The following PDE1C variants were observed in gnomAD, a reference collection of about 807,000 sequenced individuals.
The protein encoded by PDE1C is dual specificity calcium/calmodulin-dependent 3',5'-cyclic nucleotide phosphodiesterase 1C.
A neutral mutation model predicts 93.1 loss-of-function variants in PDE1C; 62 were observed. The ratio of observed to expected loss-of-function variants is 0.67; its 90% CI spans 0.54 to 0.82. The LOEUF is 0.82. PDE1C is among the 40% of genes least tolerant of loss of function. The probability of loss-of-function intolerance (pLI) is 0.00; values close to 1 mark genes in which losing one functional copy is unlikely to be tolerated. For missense variants in PDE1C, 742 were observed against 884.6 expected (o/e 0.84, Z 2.04); for synonymous variants, 325 against 310.1 (o/e 1.05, Z -0.50).
At position 32,335,603 on chromosome 7, in the gene PDE1C, C is replaced by G. The variant is rs115797413; in HGVS notation, c.310+92219G>C. ...CCCTATATTTTTACATGATTTTCCT[C>G]TGTGTGTGTCTGTGACCTAATCTCT... is the stretch of plus-strand genomic sequence containing the variant. On this transcript the variant is annotated intron_variant, in intron 1 of 1. Coordinates refer to the PDE1C transcript ENST00000672256. Among the ~76,000 whole-genome samples, 584 of 152,312 alleles carry G rather than the reference C, an allele frequency of 3.8e-3. 7 individuals are homozygous for G. The highest frequency in any genetic ancestry group is 0.013 in the African/African-American group (555 of 41,580).
At chr7:31,678,840 C>T in the PDE1C span, among the ~76,000 whole-genome samples, 4 of 152,208 alleles carry the variant, frequency 2.6e-5, no homozygotes, top group South Asian at 8.3e-4. Flanking sequence ...GGAAATAGTT[C>T]AGGGCGTAGT....
Position 32,365,865 on chromosome 7 carries a change from C to T in PDE1C, c.310+61957G>A, listed in dbSNP as rs1784221028. ...TACACAGAGATTACACGACTGTGTC[C>T]ACCCAGAACAAAAGCCAGCACACCA... is the stretch of plus-strand genomic sequence containing the variant. On this transcript the variant is annotated intron_variant, in intron 1 of 1. Transcript: ENST00000672256. Among the ~76,000 whole-genome samples the T allele has an allele frequency of 2.0e-5, 3 of 152,040 alleles. 1 individual carries two copies. In the South Asian group the frequency reaches 6.2e-4, roughly 32 times the overall value.
At chr7:31,811,505 C>T (rs1050874170) in intron 15 of PDE1C, among the ~76,000 whole-genome samples, 1 of 152,002 alleles carries the variant, frequency 6.6e-6, no homozygotes, top group South Asian at 2.1e-4. Flanking sequence ...TTCAGAGGTC[C>T]CACAAAACAG....
chr7:31,695,371 T>C, the PDE1C span: 14 of 1,137,924 alleles, frequency 1.2e-5, no homozygotes, highest in African/African-American at 2.0e-4. Context: ...CCAAATCACC[T>C]CTGTCCTGTC....
intron 1 of PDE1C, among the ~76,000 whole-genome samples, chr7:32,286,761 A>G (rs215596): frequency 0.5 from 76,447 of 152,118 alleles, 22,160 homozygotes; most frequent in Admixed American, 0.64. Context: ...TAGAACTGCA[A>G]TAGAATAGTA....
chr7:32,292,307 C>G (rs1195557956), intron 1 of PDE1C, among the ~76,000 whole-genome samples: 1 of 152,168 alleles, frequency 6.6e-6, no homozygotes, highest in Non-Finnish European at 1.5e-5. Flanking sequence ...GATCTACCCT[C>G]TAAGCAAATT....
intron 1 of PDE1C, among the ~76,000 whole-genome samples, chr7:32,234,393 G>A (rs1040091537): frequency 8.6e-5 from 13 of 151,758 alleles, no homozygotes; most frequent in Admixed American, 6.6e-4. Context: ...AAGAAAATAT[G>A]ATAGAAAACA....
At chr7:31,908,358 C>T (rs10487738) in intron 2 of PDE1C, among the ~76,000 whole-genome samples, 481 of 152,192 alleles carry the variant, frequency 3.2e-3, no homozygotes, top group African/African-American at 0.011. Flanking sequence ...GAAGGTGGTG[C>T]CAAAGTTCAC....
intron 2 of PDE1C, among the ~76,000 whole-genome samples, chr7:31,899,375 T>A (rs1299442957): frequency 1.3e-5 from 2 of 152,012 alleles, no homozygotes; most frequent in Non-Finnish European, 2.9e-5. Flanking sequence ...CCTGACCTCA[T>A]GATCCACCCT....
chr7:32,197,527 G>A (rs1024761134), intron 2 of PDE1C, among the ~76,000 whole-genome samples: 2 of 152,032 alleles, frequency 1.3e-5, no homozygotes, highest in Non-Finnish European at 2.9e-5. Context: ...ATTCACAAGA[G>A]CCAAAAATTA....
At chr7:31,831,320 C>T (rs547195467) in intron 11 of PDE1C, among the ~76,000 whole-genome samples, 1 of 152,252 alleles carries the variant, frequency 6.6e-6, no homozygotes, top group East Asian at 1.9e-4. Context: ...TGCAATCACA[C>T]ATCCTAGGAA....
At chr7:31,706,086 T>A in the PDE1C span, among the ~76,000 whole-genome samples, 1 of 136,818 alleles carries the variant, frequency 7.3e-6, no homozygotes, top group Admixed American at 8.1e-5. Flanking sequence ...CTTGCTGCAA[T>A]CTCTGCCTCC....
At chr7:32,119,108 A>C (rs146227415) in intron 3 of PDE1C, among the ~76,000 whole-genome samples, 2 of 152,192 alleles carry the variant, frequency 1.3e-5, no homozygotes, top group Admixed American at 6.5e-5. Context: ...TCTCTCTCCC[A>C]CTGAATCCCT....
intron 9 of PDE1C, among the ~76,000 whole-genome samples, chr7:31,844,910 T>G (rs1294485725): frequency 6.6e-6 from 1 of 152,144 alleles, no homozygotes; most frequent in Non-Finnish European, 1.5e-5. Flanking sequence ...AAGTCACTGT[T>G]TCCTTCTTCT....
At chr7:32,408,788 C>CA (rs1785109335) in intron 1 of PDE1C, among the ~76,000 whole-genome samples, 1 of 150,354 alleles carries the variant, frequency 6.7e-6, no homozygotes, top group Admixed American at 6.6e-5. Context: ...GACTCTGTCT[C>CA]AAAAAAATAA....
intron 2 of PDE1C, among the ~76,000 whole-genome samples, chr7:32,032,721 A>G (rs1390213947): frequency 6.6e-6 from 1 of 152,048 alleles, no homozygotes; most frequent in Non-Finnish European, 1.5e-5. Context: ...ACACCTATGC[A>G]CCAACCTGTG....
intron 3 of PDE1C, among the ~76,000 whole-genome samples, chr7:31,880,423 A>T (rs190046543): frequency 2.0e-5 from 3 of 152,352 alleles, no homozygotes; most frequent in Admixed American, 6.5e-5. Flanking sequence ...CACTAAAAAC[A>T]TACAATAATT....
intron 1 of PDE1C, among the ~76,000 whole-genome samples, chr7:32,415,213 G>C (rs1187762338): frequency 2.0e-5 from 3 of 152,154 alleles, no homozygotes; most frequent in Non-Finnish European, 2.9e-5. Context: ...CACTTGGAGA[G>C]GCCGAAGTGG....
intron 3 of PDE1C, among the ~76,000 whole-genome samples, chr7:32,112,846 G>A (rs10265241): frequency 0.19 from 10,843 of 56,088 alleles, 598 homozygotes; most frequent in Middle Eastern, 0.23. Context: ...GTGTGTGTGT[G>A]TATATATATA....
Sources: gnomAD v4.1 joint callset for allele counts (sites outside exome capture counted in the v4.1 genomes callset) on GRCh38, gnomAD v4.1.1 for gene constraint, MANE v1.5 for transcripts, NCBI Gene and HGNC (gene_info 2026-07-23, HGNC 2026-07-21) for gene names.